The following CTNNA3 variants were observed in gnomAD, a reference collection of about 807,000 sequenced individuals.
CTNNA3 encodes catenin alpha-3.
CTNNA3 carries 76 observed loss-of-function variants against 95.7 expected under a neutral mutation model. That is an observed-to-expected ratio of 0.79 (90% confidence interval 0.66 to 0.96). The LOEUF is 0.96. Among genes scored for constraint, CTNNA3 ranks in the 40% least tolerant of loss-of-function variants. The probability of loss-of-function intolerance (pLI) is 0.00; values close to 1 mark genes in which losing one functional copy is unlikely to be tolerated. For synonymous variants in CTNNA3, 431 were observed against 374.4 expected, an observed-to-expected ratio of 1.15 and a Z score of -1.74; for missense variants, 1,191 against 1,089.8, an observed-to-expected ratio of 1.09 and a Z score of -1.31.
At chr10:67,164,095 A>C in intron 7 of CTNNA3, among the ~76,000 whole-genome samples, 1 of 151,918 alleles carries the variant, frequency 6.6e-6, no homozygotes, top group East Asian at 1.9e-4. Context: ...CTAAGAAAAA[A>C]ATTTTAGACA....
At chr10:67,350,910 G>GTATATATATATATATA (rs3057678) in intron 5 of CTNNA3, among the ~76,000 whole-genome samples, 26 of 141,806 alleles carry the variant, frequency 1.8e-4, no homozygotes, top group African/African-American at 5.9e-4. Context: ...AAAAGTATGT[G>GTATATATATATATATA]TATATATATA....
intron 9 of CTNNA3, among the ~76,000 whole-genome samples, chr10:66,715,687 T>G (rs1016950191): frequency 6.6e-6 from 1 of 152,132 alleles, no homozygotes; most frequent in African/African-American, 2.4e-5. Context: ...CTTGATGAGA[T>G]AGCAATGTTT....
chr10:67,166,230 T>C (rs186765285), intron 7 of CTNNA3, among the ~76,000 whole-genome samples: 88 of 152,318 alleles, frequency 5.8e-4, no homozygotes, highest in African/African-American at 2.0e-3. Context: ...GAAATATCAA[T>C]TGTGGGTCAC....
At chr10:66,597,216 C>T (rs958113746) in intron 10 of CTNNA3, among the ~76,000 whole-genome samples, 2 of 151,236 alleles carry the variant, frequency 1.3e-5, no homozygotes, top group Non-Finnish European at 2.9e-5. Flanking sequence ...TTATGGGAGC[C>T]CTATAAGCAG....
intron 13 of CTNNA3, among the ~76,000 whole-genome samples, chr10:66,242,663 C>T (rs748886532): frequency 5.3e-5 from 8 of 152,138 alleles, no homozygotes; most frequent in Non-Finnish European, 1.2e-4. Context: ...AGTCAGAACC[C>T]TTATGTATTG....
chr10:66,741,715 G>C, intron 9 of CTNNA3, among the ~76,000 whole-genome samples: 1 of 152,146 alleles, frequency 6.6e-6, no homozygotes, highest in Non-Finnish European at 1.5e-5. Flanking sequence ...AAATTGTGAA[G>C]ATTTCATGGA....
At chr10:66,389,212 ATT>A (rs75177664) in intron 11 of CTNNA3, among the ~76,000 whole-genome samples, 2 of 151,190 alleles carry the variant, frequency 1.3e-5, no homozygotes, top group South Asian at 2.1e-4. Flanking sequence ...CTCCTCAAAA[ATT>A]TTTTTTTTCT....
rs577423703 is a variant in CTNNA3 at position 67,555,584 on chromosome 10, T to C, written c.293-15915A>G. 3.3e-5 allele frequency among the ~76,000 whole-genome samples: 5 copies of C among 152,346 alleles called. No individual in the cohort carries two copies. The East Asian group carries it at 7.7e-4, about 23-fold the overall frequency. On this transcript the variant is annotated intron_variant, in intron 3 of 17. Transcript: ENST00000433211. ...TGTTATTGGTATATAGGAATGCTTG[T>C]GATTTTTGTACATTGATTTTGTATC...
intron 7 of CTNNA3, among the ~76,000 whole-genome samples, chr10:67,033,618 T>C (rs1404571847): frequency 6.6e-6 from 1 of 152,176 alleles, no homozygotes; most frequent in Non-Finnish European, 1.5e-5. Context: ...ACTCATTTAA[T>C]CCTCACAACA....
chr10:66,540,861 T>C (rs750334028), intron 10 of CTNNA3, among the ~76,000 whole-genome samples: 2 of 152,162 alleles, frequency 1.3e-5, no homozygotes, highest in Non-Finnish European at 2.9e-5. Context: ...TGAAATTAGA[T>C]GTTATTCCCT....
At chr10:66,312,975 C>G (rs2092044881) in intron 12 of CTNNA3, among the ~76,000 whole-genome samples, 1 of 152,100 alleles carries the variant, frequency 6.6e-6, no homozygotes, top group Non-Finnish European at 1.5e-5. Flanking sequence ...TAGACACAAG[C>G]CTTGACCATG....
Position 66,345,454 on chromosome 10 carries a change from A to T in CTNNA3, c.1732+33698T>A, listed in dbSNP as rs141869442. Among the ~76,000 whole-genome samples, 344 of 152,226 alleles carry T rather than the reference A, an allele frequency of 2.3e-3. 1 individual carries two copies. The highest frequency in any genetic ancestry group is 7.9e-3 in the African/African-American group (329 of 41,554). On this transcript the variant is annotated intron_variant, in intron 12 of 17. Coordinates refer to ENST00000433211, the MANE Select transcript of CTNNA3 (RefSeq NM_013266.4). ...CTGATGGACTCTGCTCCTCTGTGTC[A>T]TTATTCTACCATTTCATTCTGAAGG...
chr10:66,002,474 C>G (rs2078789579), intron 15 of CTNNA3, among the ~76,000 whole-genome samples: 1 of 152,132 alleles, frequency 6.6e-6, no homozygotes, highest in Non-Finnish European at 1.5e-5. Flanking sequence ...TATTAGTCTC[C>G]TTTCTATTTC....
intron 9 of CTNNA3, among the ~76,000 whole-genome samples, chr10:66,700,509 G>A (rs1400835299): frequency 6.6e-6 from 1 of 152,278 alleles, no homozygotes; most frequent in Middle Eastern, 3.4e-3. Context: ...TTTTATGCCA[G>A]TAACATAGTG....
intron 7 of CTNNA3, among the ~76,000 whole-genome samples, chr10:67,033,380 T>C (rs964686897): frequency 1.3e-5 from 2 of 152,182 alleles, no homozygotes. Context: ...ATCTCGATGC[T>C]TCTCTCCCAT....
chr10:67,193,596 G>A (rs1385399882), intron 6 of CTNNA3, among the ~76,000 whole-genome samples: 2 of 151,914 alleles, frequency 1.3e-5, no homozygotes, highest in Non-Finnish European at 2.9e-5. Flanking sequence ...GCAGTATTTG[G>A]TTTTCTGTTA....
intron 7 of CTNNA3, among the ~76,000 whole-genome samples, chr10:66,819,604 G>A (rs1842226678): frequency 2.0e-5 from 3 of 151,702 alleles, no homozygotes; most frequent in Admixed American, 2.0e-4. Flanking sequence ...TATCTGATAA[G>A]GGTCTAGTAT....
intron 7 of CTNNA3, among the ~76,000 whole-genome samples, chr10:67,024,121 C>G (rs1398495370): frequency 1.3e-5 from 2 of 152,170 alleles, no homozygotes; most frequent in Non-Finnish European, 2.9e-5. Flanking sequence ...TGTGTTCCCT[C>G]CAGAGGTCTA....
At chr10:66,148,698 C>T (rs544436783) in intron 13 of CTNNA3, among the ~76,000 whole-genome samples, 3 of 143,100 alleles carry the variant, frequency 2.1e-5, no homozygotes, top group Non-Finnish European at 4.5e-5. Flanking sequence ...TACTTCTCAG[C>T]CTCCAGGACT....
Sources: gnomAD v4.1 joint callset for allele counts (sites outside exome capture counted in the v4.1 genomes callset) on GRCh38, gnomAD v4.1.1 for gene constraint, MANE v1.5 for transcripts, NCBI Gene and HGNC (gene_info 2026-07-23, HGNC 2026-07-21) for gene names.